The following PTCD2 variants were observed in gnomAD, a reference collection of about 807,000 sequenced individuals.
The protein encoded by PTCD2 is pentatricopeptide repeat domain 2, also known as pentatricopeptide repeat-containing protein 2, mitochondrial.
PTCD2 carries 31 observed loss-of-function variants against 42.6 expected under a neutral mutation model. The ratio of observed to expected loss-of-function variants is 0.73; its 90% CI spans 0.55 to 0.98. The LOEUF is 0.98. Among genes scored for constraint, PTCD2 ranks in the 50% least tolerant of loss-of-function variants. The probability of loss-of-function intolerance (pLI) is 0.00; values close to 1 mark genes in which losing one functional copy is unlikely to be tolerated. For missense variants in PTCD2, 476 were observed against 454.8 expected (o/e 1.05, Z -0.42); for synonymous variants, 183 against 170.9 (o/e 1.07, Z -0.55).
chr5:72,343,691 G>C (rs1317844184), intron 8 of PTCD2, among the ~76,000 whole-genome samples: 1 of 151,900 alleles, frequency 6.6e-6, no homozygotes, highest in Non-Finnish European at 1.5e-5. Context: ...TAAAAGCATA[G>C]GAAAAAAAAT....
intron 5 of PTCD2, chr5:72,335,532 C>A: frequency 1.2e-5 from 4 of 328,398 alleles, no homozygotes; most frequent in East Asian, 5.3e-5. Flanking sequence ...AGTTTGAAAA[C>A]ATTGCATTGC....
Position 72,326,596 on chromosome 5 carries a change from C to T in PTCD2, c.221-16C>T. 6.2e-7 allele frequency: 1 copy of T among 1,613,878 alleles called. No individual in the cohort carries two copies. The highest frequency in any genetic ancestry group is 8.5e-7 in the Non-Finnish European group (1 of 1,179,896). On this transcript the variant is annotated splice_polypyrimidine_tract_variant and intron_variant, in intron 2 of 9. Transcript: ENST00000380639. ...GTCAGCCTGAGTGATGGTCACCATA[C>T]TGTGCTTTCTTCCAGAAACGTATTT...
In PTCD2 at chr5:72,367,936, G is replaced by A. The variant is rs1307222145; in HGVS notation, c.*9509G>A. 1 of 152,140 alleles carries A rather than the reference G, an allele frequency of 6.6e-6. No individual in the cohort carries two copies. The highest frequency in any genetic ancestry group is 1.5e-5 in the Non-Finnish European group (1 of 68,038). The allele number at this position is 152,140 out of a possible 1,614,324, so 9.4% of individuals were successfully genotyped here. ...CCAGTGAACCAATTGAGTGGCTCTG[G>A]GCTCCTATACCCCTTTCATTCCACA... On this transcript the variant is annotated 3_prime_UTR_variant, in exon 10 of 10. Transcript: ENST00000380639.
intron 4 of PTCD2, among the ~76,000 whole-genome samples, chr5:72,333,450 G>A (rs1751548982): frequency 6.6e-6 from 1 of 152,072 alleles, no homozygotes; most frequent in African/African-American, 2.4e-5. Context: ...AACCCTAGTA[G>A]GGTTTTGAGC....
At chr5:72,322,601 GA>G (rs1466112892) in intron 2 of PTCD2, among the ~76,000 whole-genome samples, 1 of 152,192 alleles carries the variant, frequency 6.6e-6, no homozygotes, top group East Asian at 1.9e-4. Flanking sequence ...AGTGCAGAGA[GA>G]AAGGCCCCAG....
At chr5:72,357,969 A>T (rs945350451) in intron 9 of PTCD2, among the ~76,000 whole-genome samples, 13 of 151,990 alleles carry the variant, frequency 8.6e-5, no homozygotes, top group African/African-American at 2.4e-4. Flanking sequence ...ACTAATTTTT[A>T]AAAAAATTTT....
intron 3 of PTCD2, among the ~76,000 whole-genome samples, chr5:72,329,097 A>G (rs1156941999): frequency 2.0e-5 from 3 of 152,192 alleles, no homozygotes; most frequent in Non-Finnish European, 4.4e-5. Context: ...CAATGTTTAT[A>G]AGAGTAGTAA....
chr5:72,337,708 G>A (rs965950358), intron 6 of PTCD2, among the ~76,000 whole-genome samples: 2 of 152,140 alleles, frequency 1.3e-5, no homozygotes, highest in East Asian at 1.9e-4. Context: ...CAGGAGAATC[G>A]TTTGAACTGG....
At chr5:72,335,297 AAAT>A (rs1751673053) in intron 5 of PTCD2, among the ~76,000 whole-genome samples, 1 of 151,912 alleles carries the variant, frequency 6.6e-6, no homozygotes, top group South Asian at 2.1e-4. Flanking sequence ...AAAATACAAA[AAAT>A]TAGCCGGGCG....
intron 1 of PTCD2, 41 bp from the exon 2 acceptor site, chr5:72,322,131 C>T (rs764189449): frequency 9.5e-7 from 1 of 1,050,500 alleles, no homozygotes; most frequent in Non-Finnish European, 1.5e-6. Context: ...ACTTCTAAAA[C>T]AGTCAAAATG....
intron 9 of PTCD2, among the ~76,000 whole-genome samples, chr5:72,354,966 AAAGT>A (rs1221352434): frequency 6.6e-6 from 1 of 152,230 alleles, no homozygotes; most frequent in Non-Finnish European, 1.5e-5. Context: ...TTAAGTGACA[AAAGT>A]AAGATGCAAA....
At chr5:72,348,729 T>C (rs1048190278) in intron 8 of PTCD2, among the ~76,000 whole-genome samples, 6 of 152,246 alleles carry the variant, frequency 3.9e-5, no homozygotes, top group African/African-American at 1.2e-4. Flanking sequence ...GTATTTGAAT[T>C]CTAATCATTT....
At chr5:72,352,548 G>T (rs1752672756) in intron 8 of PTCD2, 93 bp from the exon 9 acceptor site, 2 of 617,422 alleles carry the variant, frequency 3.2e-6, no homozygotes, top group Non-Finnish European at 2.9e-6. Flanking sequence ...CAGGGTAGGT[G>T]CCTATAAATG....
Position 72,322,157 on chromosome 5 carries a change from T to G in PTCD2, c.128-15T>G, listed in dbSNP as rs753698364. The G allele has an allele frequency of 7.1e-7, 1 of 1,400,298 alleles. No homozygotes were observed. The highest frequency in any genetic ancestry group is 1.0e-6 in the Non-Finnish European group (1 of 990,370). The allele number at this position is 1,400,298 out of a possible 1,614,324, so 86.7% of individuals were successfully genotyped here. A position where few individuals can be genotyped will look rare whatever the true frequency, so the allele number is the denominator to read the frequency against. ...AGTCAAAATGACTTTACTTTTTTCTTTCTCTGATTTTTAGCTAAAAGATAC... is the reference window on the plus strand; with the variant it reads ...AGTCAAAATGACTTTACTTTTTTCTGTCTCTGATTTTTAGCTAAAAGATAC... On this transcript the variant is annotated splice_polypyrimidine_tract_variant and intron_variant, in intron 1 of 9. Transcript: ENST00000380639.
intron 7 of PTCD2, 150 bp downstream of exon 7, chr5:72,338,885 A>G (rs10942271): frequency 0.097 from 48,857 of 504,734 alleles, 2,833 homozygotes; most frequent in East Asian, 0.15. Flanking sequence ...ATGGCAACCT[A>G]TATCTATACC....
chr5:72,350,032 G>A (rs1306141783), intron 8 of PTCD2, among the ~76,000 whole-genome samples: 1 of 152,178 alleles, frequency 6.6e-6, no homozygotes, highest in Admixed American at 6.6e-5. Context: ...AAATTGCTGG[G>A]GGAACCAAGC....
chr5:72,331,218 T>C (rs761887760), intron 3 of PTCD2, 40 bp from the exon 4 acceptor site: 1 of 1,295,720 alleles, frequency 7.7e-7, no homozygotes, highest in Non-Finnish European at 1.1e-6. Context: ...CTTTTTCCTG[T>C]GTCCTACCTT....
At chr5:72,324,214 CTG>C (rs1273805574) in intron 2 of PTCD2, among the ~76,000 whole-genome samples, 3 of 152,176 alleles carry the variant, frequency 2.0e-5, no homozygotes, top group African/African-American at 7.2e-5. Flanking sequence ...CTTCATAAGT[CTG>C]TGGCAGTTGT....
chr5:72,338,498 T>C, intron 6 of PTCD2, 124 bp from the exon 7 acceptor site: 1 of 451,190 alleles, frequency 2.2e-6, no homozygotes, highest in East Asian at 3.4e-5. Context: ...CTTAATCTTT[T>C]AAGTGGCTTG....
Sources: allele counts gnomAD v4.1 joint callset (sites outside exome capture counted in the v4.1 genomes callset), GRCh38; gene constraint gnomAD v4.1.1; transcripts MANE v1.5; gene names NCBI Gene and HGNC (gene_info 2026-07-23, HGNC 2026-07-21).